The following ATP8A2 variants were observed in gnomAD, a reference collection of about 807,000 sequenced individuals.
ATP8A2 encodes ATPase phospholipid transporting 8A2, also known as phospholipid-transporting ATPase IB.
A neutral mutation model predicts 165.6 loss-of-function variants in ATP8A2; 100 were observed. The ratio of observed to expected loss-of-function variants is 0.60; its 90% CI spans 0.51 to 0.71. The LOEUF is 0.71. Among genes scored for constraint, ATP8A2 ranks in the 30% least tolerant of loss-of-function variants. The pLI is 0.00. For missense variants in ATP8A2, 1,227 were observed against 1,479.5 expected (o/e 0.83, Z 2.80); for synonymous variants, 543 against 548.8 (o/e 0.99, Z 0.15).
chr13:25,502,212 T>C (rs947023756), intron 2 of ATP8A2, among the ~76,000 whole-genome samples: 3 of 152,158 alleles, frequency 2.0e-5, no homozygotes, highest in African/African-American at 7.2e-5. Context: ...TCATGTGTCA[T>C]TGTGGATAGA....
chr13:25,784,251 C>T (rs1429942238), intron 27 of ATP8A2, among the ~76,000 whole-genome samples: 2 of 152,096 alleles, frequency 1.3e-5, no homozygotes, highest in African/African-American at 4.8e-5. Flanking sequence ...AAATGCAAGT[C>T]CAGAAACAGA....
intron 35 of ATP8A2, among the ~76,000 whole-genome samples, chr13:25,975,574 T>G (rs1373055397): frequency 6.9e-6 from 1 of 144,558 alleles, no homozygotes; most frequent in Admixed American, 7.0e-5. Flanking sequence ...AGAGTGAGAC[T>G]CCATCTCGAA....
intron 16 of ATP8A2, among the ~76,000 whole-genome samples, chr13:25,565,674 T>C (rs2039292343): frequency 6.6e-6 from 1 of 152,218 alleles, no homozygotes; most frequent in African/African-American, 2.4e-5. Flanking sequence ...TCCCACTCTG[T>C]GGGTTGTCTG....
At chr13:25,578,696 A>G (rs1406667959) in intron 20 of ATP8A2, 119 bp from the exon 21 acceptor site, 12 of 713,372 alleles carry the variant, frequency 1.7e-5, no homozygotes, top group Non-Finnish European at 3.0e-5. Flanking sequence ...CTAAATTCCT[A>G]CTTACCCACT....
At chr13:25,470,511 C>G (rs2137529214) in intron 2 of ATP8A2, among the ~76,000 whole-genome samples, 1 of 152,260 alleles carries the variant, frequency 6.6e-6, no homozygotes, top group Non-Finnish European at 1.5e-5. Flanking sequence ...CTTTGGAAAA[C>G]AGTAAAAATG....
At chr13:25,670,508 T>TA (rs1234398136) in intron 24 of ATP8A2, among the ~76,000 whole-genome samples, 29 of 152,280 alleles carry the variant, frequency 1.9e-4, no homozygotes, top group African/African-American at 2.4e-5. Context: ...TAATATTTGC[T>TA]AAAAAAATGA....
Position 25,750,684 on chromosome 13 carries a change from A to G in ATP8A2, c.2385-18362A>G, listed in dbSNP as rs1374040775. On this transcript the variant is annotated intron_variant, in intron 25 of 36. Coordinates refer to ENST00000381655, the MANE Select transcript of ATP8A2 (RefSeq NM_016529.6). This position sits in a 1 kb window ranked among gnomAD's most constrained non-coding sequence, Gnocchi z 4.3. Reference sequence around the variant, plus strand: ...TGGGGGCCCTGTCGGCAGGTACCTCATATGTGTAGTTTTGGCATCGAGTTT... The same window carrying G: ...TGGGGGCCCTGTCGGCAGGTACCTCGTATGTGTAGTTTTGGCATCGAGTTT... Among the ~76,000 whole-genome samples, 2 of 152,072 alleles carry G rather than the reference A, an allele frequency of 1.3e-5. No homozygotes were observed. The highest frequency in any genetic ancestry group is 2.4e-5 in the African/African-American group (1 of 41,400).
chr13:25,990,513 G>T (rs79456495), intron 35 of ATP8A2, among the ~76,000 whole-genome samples: 16,469 of 152,182 alleles, frequency 0.11, 942 homozygotes, highest in Admixed American at 0.14. Context: ...ATATGCAAAG[G>T]CCCTGAGGTG....
At chr13:25,922,772 C>T (rs182519) in intron 33 of ATP8A2, among the ~76,000 whole-genome samples, 126,879 of 152,126 alleles carry the variant, frequency 0.83, 53,080 homozygotes, top group East Asian at 0.99. Flanking sequence ...AAGGGGGGAT[C>T]GGTAGGCCCT....
chr13:25,551,535 G>A, intron 11 of ATP8A2, 32 bp downstream of exon 11: 1 of 1,573,470 alleles, frequency 6.4e-7, no homozygotes, highest in Non-Finnish European at 8.7e-7. Flanking sequence ...TTGTTCCAGT[G>A]GAAGAAAACC....
intron 24 of ATP8A2, among the ~76,000 whole-genome samples, chr13:25,598,473 A>G (rs1247157181): frequency 6.6e-6 from 1 of 152,180 alleles, no homozygotes; most frequent in Non-Finnish European, 1.5e-5. Flanking sequence ...TGATATTTGC[A>G]TTCTATGAAC....
At chr13:25,602,733 G>A (rs978307305) in intron 24 of ATP8A2, among the ~76,000 whole-genome samples, 27 of 152,192 alleles carry the variant, frequency 1.8e-4, no homozygotes, top group African/African-American at 6.3e-4. Context: ...TGAAATGGGT[G>A]TCATTGGAAT....
rs529142729 is a variant in ATP8A2 at position 25,682,124 on chromosome 13, G to T, written c.2212-17049G>T. On this transcript the variant is annotated intron_variant, in intron 24 of 36. Coordinates refer to ENST00000381655, the MANE Select transcript of ATP8A2 (RefSeq NM_016529.6). ...TTAAAAAAAACACACCAAAAACCCC[G>T]TGATCACCATTCTCTGTAATTCAGA... Among the ~76,000 whole-genome samples the T allele has an allele frequency of 2.0e-5, 3 of 152,158 alleles. No homozygotes were observed. In the South Asian group the frequency reaches 6.2e-4, roughly 32 times the overall value.
intron 35 of ATP8A2, among the ~76,000 whole-genome samples, chr13:25,976,410 G>C (rs1956038213): frequency 6.6e-6 from 1 of 152,152 alleles, no homozygotes; most frequent in South Asian, 2.1e-4. Context: ...AGGCAAACCT[G>C]CATCTTCTTA....
intron 24 of ATP8A2, among the ~76,000 whole-genome samples, chr13:25,678,626 CA>C (rs1405325096): frequency 6.6e-6 from 1 of 152,148 alleles, no homozygotes; most frequent in Non-Finnish European, 1.5e-5. Context: ...GCTTGCCTTC[CA>C]GCACACGTGT....
At position 25,553,815 on chromosome 13, in the gene ATP8A2, A is replaced by T. The variant is rs779538217; in HGVS notation, c.1080A>T (p.Gly360=). 6.2e-7 allele frequency: 1 copy of T among 1,613,626 alleles called. No homozygotes were observed. The highest frequency in any genetic ancestry group is 1.1e-5 in the South Asian group (1 of 90,894). ...KKMDTTSDNF[G]YNLLTFIILY... ...CAGACACCACCTCAGATAATTTTGGATACAACCTACTGACGTTCATCATCT... is the reference window on the plus strand; with the variant it reads ...CAGACACCACCTCAGATAATTTTGGTTACAACCTACTGACGTTCATCATCT... Residue 360 remains glycine, a synonymous_variant, in exon 12 of 37, where the codon GGA becomes GGT. Transcript: ENST00000381655.
chr13:25,511,627 G>A, intron 2 of ATP8A2, among the ~76,000 whole-genome samples: 1 of 151,902 alleles, frequency 6.6e-6, no homozygotes, highest in East Asian at 1.9e-4. Context: ...TCAGTTTAGA[G>A]GTCTGTGTTG....
At chr13:25,651,272 A>G (rs1206062338) in intron 24 of ATP8A2, among the ~76,000 whole-genome samples, 2 of 152,098 alleles carry the variant, frequency 1.3e-5, no homozygotes, top group African/African-American at 4.8e-5. Context: ...GTGAAAACCC[A>G]TCTCTACTAA....
At chr13:25,511,277 T>G (rs2037215960) in intron 2 of ATP8A2, among the ~76,000 whole-genome samples, 1 of 152,178 alleles carries the variant, frequency 6.6e-6, no homozygotes, top group South Asian at 2.1e-4. Context: ...CAATACACAT[T>G]TATATTATAA....
Sources: gnomAD v4.1 joint callset for allele counts (sites outside exome capture counted in the v4.1 genomes callset) on GRCh38, gnomAD v4.1.1 for gene constraint, Gnocchi (gnomAD v3.1) non-coding constraint, MANE v1.5 for transcripts, NCBI Gene and HGNC (gene_info 2026-07-23, HGNC 2026-07-21) for gene names.